TMEM135: variants seen among roughly 807,000 people sequenced by gnomAD.
The protein encoded by TMEM135 is transmembrane protein 135.
A neutral mutation model predicts 60.3 loss-of-function variants in TMEM135; 30 were observed. The observed-to-expected ratio is 0.50, with a 90% CI of 0.37 to 0.68. The LOEUF (loss-of-function observed/expected upper bound fraction) is 0.68, where lower values mean the gene tolerates loss of function less well. TMEM135 is among the 30% of genes least tolerant of loss of function. The probability of loss-of-function intolerance (pLI) is 0.00; values close to 1 mark genes in which losing one functional copy is unlikely to be tolerated. For missense variants in TMEM135, 468 were observed against 548.8 expected, an observed-to-expected ratio of 0.85 and a Z score of 1.47; for synonymous variants, 190 against 186.7, an observed-to-expected ratio of 1.02 and a Z score of -0.14.
intron 5 of TMEM135, among the ~76,000 whole-genome samples, chr11:87,192,690 T>G (rs1939838608): frequency 6.6e-6 from 1 of 152,200 alleles, no homozygotes; most frequent in African/African-American, 2.4e-5. Context: ...GATAAAACAA[T>G]TTGAATTTTT....
At chr11:87,152,263 T>C (rs1360921788) in intron 4 of TMEM135, among the ~76,000 whole-genome samples, 1 of 152,212 alleles carries the variant, frequency 6.6e-6, no homozygotes, top group East Asian at 1.9e-4. Context: ...TTTTTTTCTT[T>C]GTGGTTTATA....
At chr11:87,175,172 C>T (rs918846558) in intron 5 of TMEM135, among the ~76,000 whole-genome samples, 1 of 152,130 alleles carries the variant, frequency 6.6e-6, no homozygotes, top group Non-Finnish European at 1.5e-5. Context: ...TTCTCCAATT[C>T]CATGAATCAA....
At chr11:87,317,014 C>T (rs1942744819) in intron 12 of TMEM135, among the ~76,000 whole-genome samples, 1 of 151,520 alleles carries the variant, frequency 6.6e-6, no homozygotes, top group South Asian at 2.1e-4. Context: ...TATTACTGTA[C>T]AGTGAAAATG....
At chr11:87,111,537 G>T (rs966570643) in intron 4 of TMEM135, among the ~76,000 whole-genome samples, 6 of 151,472 alleles carry the variant, frequency 4.0e-5, no homozygotes, top group African/African-American at 7.3e-5. Flanking sequence ...TGTAGTCCCA[G>T]CTACTCGGGA....
Position 87,295,765 on chromosome 11 carries a change from A to G in TMEM135, c.510-17A>G. Reference sequence around the variant, plus strand: ...CAAAATATGTTATTTTATGATTGTAAATTCTTATTGTTTTAGGTGCAAGGA... The same window carrying G: ...CAAAATATGTTATTTTATGATTGTAGATTCTTATTGTTTTAGGTGCAAGGA... On this transcript the variant is annotated splice_polypyrimidine_tract_variant and intron_variant, in intron 6 of 14. Coordinates refer to ENST00000305494, the MANE Select transcript of TMEM135 (RefSeq NM_022918.4). The G allele has an allele frequency of 6.3e-7, 1 of 1,592,346 alleles. No homozygotes were observed. Among genetic ancestry groups the G allele is most frequent in the Non-Finnish European group, 8.6e-7 (1 of 1,165,832 alleles).
chr11:87,090,032 T>G (rs1857173924), intron 3 of TMEM135, among the ~76,000 whole-genome samples: 1 of 152,134 alleles, frequency 6.6e-6, no homozygotes, highest in African/African-American at 2.4e-5. Context: ...TTTTAAAAAT[T>G]CTTTTTGTAA....
At chr11:87,038,945 C>G (rs1949728297) in intron 1 of TMEM135, among the ~76,000 whole-genome samples, 1 of 152,054 alleles carries the variant, frequency 6.6e-6, no homozygotes, top group Non-Finnish European at 1.5e-5. Context: ...TAAATGTTCT[C>G]CGCAAAATCT....
At chr11:87,224,680 A>G (rs551033531) in intron 5 of TMEM135, among the ~76,000 whole-genome samples, 48 of 151,926 alleles carry the variant, frequency 3.2e-4, no homozygotes, top group African/African-American at 1.1e-3. Context: ...TGAAAACATA[A>G]TATTTTTTCA....
intron 4 of TMEM135, among the ~76,000 whole-genome samples, chr11:87,124,887 T>G (rs1482591421): frequency 6.6e-6 from 1 of 152,190 alleles, no homozygotes; most frequent in Non-Finnish European, 1.5e-5. Context: ...GGATTTTATT[T>G]AGTCATATTT....
chr11:87,120,113 C>CTT (rs200904925), intron 4 of TMEM135, among the ~76,000 whole-genome samples: 4 of 135,016 alleles, frequency 3.0e-5, no homozygotes, highest in Non-Finnish European at 6.3e-5. Context: ...TTTTCTTCTT[C>CTT]TTCTTTTTTT....
At chr11:87,252,780 A>C (rs1941444593) in intron 6 of TMEM135, among the ~76,000 whole-genome samples, 1 of 137,090 alleles carries the variant, frequency 7.3e-6, no homozygotes, top group Non-Finnish European at 1.5e-5. Flanking sequence ...TCAAAAAAAA[A>C]AAAAAATTAA....
intron 4 of TMEM135, among the ~76,000 whole-genome samples, chr11:87,113,159 C>A (rs777473454): frequency 1.3e-5 from 2 of 151,938 alleles, no homozygotes; most frequent in Non-Finnish European, 2.9e-5. Context: ...AAGTCATGGC[C>A]CAACTTATAA....
At chr11:87,252,736 A>C (rs1941442609) in intron 6 of TMEM135, among the ~76,000 whole-genome samples, 1 of 149,292 alleles carries the variant, frequency 6.7e-6, no homozygotes, top group Admixed American at 6.8e-5. Context: ...ACACCATTGC[A>C]CTCCAGCCTG....
intron 4 of TMEM135, among the ~76,000 whole-genome samples, chr11:87,093,961 G>A (rs188687209): frequency 1.2e-3 from 180 of 152,078 alleles, no homozygotes; most frequent in African/African-American, 3.6e-3. Flanking sequence ...TAAATGTTAC[G>A]TAAATATTCA....
rs761072696 is a variant in TMEM135 at position 87,302,320 on chromosome 11, T to A, written c.576T>A (p.Ile192=). 6.2e-7 allele frequency: 1 copy of A among 1,613,800 alleles called. No homozygotes were observed. Among genetic ancestry groups the A allele is most frequent in the Non-Finnish European group, 8.5e-7 (1 of 1,179,914 alleles). The change falls in exon 8 of 15, where the codon ATT becomes ATA. Residue 192 remains isoleucine, a synonymous_variant. Transcript: ENST00000305494. ...GGTTCATTGTAGGGAAGGAAGAAAT[T>A]CCCACACATTCTTTTTCACCAGAGG... ...ALRFIVGKEE[I]PTHSFSPEAA...
intron 1 of TMEM135, among the ~76,000 whole-genome samples, chr11:87,046,545 T>C (rs1218338881): frequency 6.6e-6 from 1 of 152,246 alleles, no homozygotes; most frequent in Non-Finnish European, 1.5e-5. Context: ...TGAAACATAC[T>C]GGCTTGCTTT....
chr11:87,257,955 A>G (rs1331721032), intron 6 of TMEM135, among the ~76,000 whole-genome samples: 2 of 152,196 alleles, frequency 1.3e-5, no homozygotes, highest in East Asian at 3.8e-4. Flanking sequence ...AGATTGCCAG[A>G]TACAAACTGA....
intron 4 of TMEM135, among the ~76,000 whole-genome samples, chr11:87,122,983 T>C (rs1937627234): frequency 6.6e-6 from 1 of 152,230 alleles, no homozygotes. Flanking sequence ...CTGTGGCAAC[T>C]ATTTAACTTT....
At chr11:87,182,566 TCA>T (rs1458858109) in intron 5 of TMEM135, among the ~76,000 whole-genome samples, 1 of 152,186 alleles carries the variant, frequency 6.6e-6, no homozygotes, top group Non-Finnish European at 1.5e-5. Context: ...TTTTCTTCTT[TCA>T]CAGTGTTTGA....
Sources: gnomAD v4.1 joint callset for allele counts (sites outside exome capture counted in the v4.1 genomes callset) on GRCh38, gnomAD v4.1.1 for gene constraint, MANE v1.5 for transcripts, NCBI Gene and HGNC (gene_info 2026-07-23, HGNC 2026-07-21) for gene names.